The following SCAND3 variants were observed in gnomAD, a reference collection of about 807,000 sequenced individuals.
SCAND3 encodes the protein SCAN domain-containing protein 3.
chr6:28,586,007 A>G, the SCAND3 span, among the ~76,000 whole-genome samples: 1 of 152,196 alleles, frequency 6.6e-6, no homozygotes, highest in South Asian at 2.1e-4. The surrounding 1 kb of genome is among the most constrained non-coding windows in gnomAD (Gnocchi z 4.4). Context: ...TTTTTAAAAA[A>G]AATTTACTAT....
At chr6:28,595,100 G>T in the SCAND3 span, among the ~76,000 whole-genome samples, 1 of 146,752 alleles carries the variant, frequency 6.8e-6, no homozygotes, top group South Asian at 2.2e-4. Flanking sequence ...GTAATCCCAC[G>T]CCTGCAATCC....
the SCAND3 span, among the ~76,000 whole-genome samples, chr6:28,593,392 T>G: frequency 1.3e-5 from 2 of 149,498 alleles, no homozygotes; most frequent in African/African-American, 2.5e-5. Flanking sequence ...TTTTTTTTTT[T>G]TGCTGGGCGC....
At chr6:28,571,816 A>T in the SCAND3 span, 23 of 1,464,544 alleles carry the variant, frequency 1.6e-5, no homozygotes, top group Non-Finnish European at 2.1e-5. Flanking sequence ...AACTGTAACT[A>T]GACAGAAAGT....
the SCAND3 span, among the ~76,000 whole-genome samples, chr6:28,589,073 T>G: frequency 6.6e-6 from 1 of 152,254 alleles, no homozygotes; most frequent in African/African-American, 2.4e-5. Flanking sequence ...TAATTTTATG[T>G]TGATAACAGC....
the SCAND3 span, chr6:28,615,902 T>G: frequency 6.6e-6 from 1 of 152,164 alleles, no homozygotes; most frequent in East Asian, 1.9e-4. Flanking sequence ...AAATGGGAAT[T>G]TACAAGATGT....
chr6:28,579,030 G>A, the SCAND3 span, among the ~76,000 whole-genome samples: 1 of 152,122 alleles, frequency 6.6e-6, no homozygotes, highest in African/African-American at 2.4e-5. The surrounding 1 kb of genome is among the most constrained non-coding windows in gnomAD (Gnocchi z 4.5). Flanking sequence ...TTATCCACAG[G>A]TACTTACTAA....
chr6:28,579,763 TG>T, the SCAND3 span, among the ~76,000 whole-genome samples: 1 of 152,282 alleles, frequency 6.6e-6, no homozygotes, highest in African/African-American at 2.4e-5. This position sits in a 1 kb window ranked among gnomAD's most constrained non-coding sequence, Gnocchi z 4.5. Flanking sequence ...AAGTAAATAT[TG>T]GGCTGGGTGC....
chr6:28,607,689 G>C, the SCAND3 span, among the ~76,000 whole-genome samples: 2 of 152,074 alleles, frequency 1.3e-5, no homozygotes, highest in Non-Finnish European at 1.5e-5. Context: ...GGCCCCGTTA[G>C]TATTGTGCGG....
chr6:28,580,771 G>A, the SCAND3 span, among the ~76,000 whole-genome samples: 1 of 151,998 alleles, frequency 6.6e-6, no homozygotes, highest in African/African-American at 2.4e-5. Flanking sequence ...TCATTGTGCT[G>A]AATTATTCAC....
At chr6:28,572,082 A>T in the SCAND3 span, 10 of 1,614,082 alleles carry the variant, frequency 6.2e-6, no homozygotes, top group Non-Finnish European at 8.5e-6. The surrounding 1 kb of genome is among the most constrained non-coding windows in gnomAD (Gnocchi z 4.1). Context: ...AGGGGAAAAG[A>T]AGCAGCAATT....
chr6:28,571,994 A>G, the SCAND3 span: 6 of 1,614,032 alleles, frequency 3.7e-6, no homozygotes, highest in Non-Finnish European at 5.1e-6. Flanking sequence ...CTCAGGGGAT[A>G]ATGTATATTT....
chr6:28,600,489 C>A, the SCAND3 span, among the ~76,000 whole-genome samples: 1 of 151,924 alleles, frequency 6.6e-6, no homozygotes, highest in Non-Finnish European at 1.5e-5. Flanking sequence ...AAAAATTAGG[C>A]GGGCATGGTG....
chr6:28,584,868 A>G, the SCAND3 span, among the ~76,000 whole-genome samples: 1 of 152,328 alleles, frequency 6.6e-6, no homozygotes, highest in Admixed American at 6.5e-5. Flanking sequence ...TAAACCAGCC[A>G]CTACTTCCAC....
chr6:28,586,191 G>A, the SCAND3 span: 1 of 850,322 alleles, frequency 1.2e-6, no homozygotes, highest in Non-Finnish European at 1.9e-6. This position sits in a 1 kb window ranked among gnomAD's most constrained non-coding sequence, Gnocchi z 4.4. Flanking sequence ...AAGAAATAAT[G>A]CCCCAAACCA....
chr6:28,608,822 G>C, the SCAND3 span, among the ~76,000 whole-genome samples: 1 of 151,642 alleles, frequency 6.6e-6, no homozygotes, highest in African/African-American at 2.4e-5. Flanking sequence ...AACATAGAGA[G>C]ATGATGTCTC....
chr6:28,604,883 T>C, the SCAND3 span, among the ~76,000 whole-genome samples: 1 of 152,200 alleles, frequency 6.6e-6, no homozygotes, highest in Non-Finnish European at 1.5e-5. Flanking sequence ...TTAACCTTAT[T>C]GTGTGATCTT....
At chr6:28,571,931 G>C in the SCAND3 span, 1 of 1,613,120 alleles carries the variant, frequency 6.2e-7, no homozygotes, top group Non-Finnish European at 8.5e-7. Context: ...AAGTGAGCTT[G>C]CTTCTTGCTT....
At chr6:28,591,906 A>G in the SCAND3 span, among the ~76,000 whole-genome samples, 1 of 152,226 alleles carries the variant, frequency 6.6e-6, no homozygotes, top group Non-Finnish European at 1.5e-5. Context: ...AAGCAAATTA[A>G]TGGTAGCTGA....
chr6:28,571,803 C>T, the SCAND3 span: 7 of 1,396,264 alleles, frequency 5.0e-6, no homozygotes, highest in African/African-American at 8.8e-5. Flanking sequence ...CTCATACTTC[C>T]ATAACTGTAA....
Sources: allele counts gnomAD v4.1 joint callset (sites outside exome capture counted in the v4.1 genomes callset), GRCh38; gene constraint gnomAD v4.1.1; non-coding constraint Gnocchi (gnomAD v3.1); transcripts MANE v1.5; gene names NCBI Gene and HGNC (gene_info 2026-07-23, HGNC 2026-07-21).